KYAT3: variants seen among roughly 807,000 people sequenced by gnomAD.
KYAT3 encodes kynurenine--oxoglutarate transaminase 3.
A neutral mutation model predicts 59.0 loss-of-function variants in KYAT3; 50 were observed. That is an observed-to-expected ratio of 0.85 (90% CI 0.68 to 1.07). KYAT3 has a LOEUF of 1.07. Among genes scored for constraint, KYAT3 ranks in the 50% least tolerant of loss-of-function variants. KYAT3 has a pLI of 0.00. For missense variants in KYAT3, 497 were observed against 533.3 expected, an observed-to-expected ratio of 0.93 and a Z score of 0.67; for synonymous variants, 148 against 177.0, an observed-to-expected ratio of 0.84 and a Z score of 1.30.
At chr1:88,952,478 T>C (rs376957399) in intron 10 of KYAT3, among the ~76,000 whole-genome samples, 4 of 152,114 alleles carry the variant, frequency 2.6e-5, no homozygotes, top group African/African-American at 9.7e-5. Context: ...GAGAGTGAGT[T>C]ATTGTGAGAT....
At chr1:88,942,924 T>C (rs771566633) in intron 13 of KYAT3, 81 bp downstream of exon 13, 2 of 1,095,084 alleles carry the variant, frequency 1.8e-6, no homozygotes, top group Non-Finnish European at 2.7e-6. Context: ...GCATATCATT[T>C]TTAGAAACAG....
chr1:88,972,394 G>T (rs886263231), intron 2 of KYAT3, among the ~76,000 whole-genome samples: 1 of 152,236 alleles, frequency 6.6e-6, no homozygotes, highest in Non-Finnish European at 1.5e-5. Flanking sequence ...CACCATCACA[G>T]TGTCCAACAT....
Position 88,953,972 on chromosome 1 carries a change from G to A in KYAT3, c.865-820C>T, listed in dbSNP as rs1157618518. 2.0e-5 allele frequency among the ~76,000 whole-genome samples: 3 copies of A among 150,532 alleles called. No individual in the cohort carries two copies. In the East Asian group the frequency reaches 5.8e-4, roughly 29 times the overall value. ...GACTAGAGTGCAATGGCCGGATCTC[G>A]GCTCACTCAACCTCCGCCTCCCAGG... On this transcript the variant is annotated intron_variant, in intron 9 of 13. Transcript: ENST00000260508.
At chr1:88,927,409 T>G in the KYAT3 span, among the ~76,000 whole-genome samples, 1 of 152,150 alleles carries the variant, frequency 6.6e-6, no homozygotes, top group Admixed American at 6.5e-5. Flanking sequence ...TAGACCTCTT[T>G]TGTAGAAAAG....
In KYAT3 at chr1:88,963,921, A is replaced by G. The variant is rs557969999; in HGVS notation, c.453+908T>C. On this transcript the variant is annotated intron_variant, in intron 5 of 13. Coordinates refer to ENST00000260508, the MANE Select transcript of KYAT3 (RefSeq NM_001008661.3). ...CTTCCTATTATATTAATACATTCTC[A>G]GCTGGGCGTGGTGGCTCACGCCTGT... 2.6e-5 allele frequency among the ~76,000 whole-genome samples: 4 copies of G among 152,302 alleles called. No homozygotes were observed. The South Asian group carries it at 8.3e-4, about 32-fold the overall frequency.
chr1:88,979,305 T>G (rs1676954779), intron 2 of KYAT3, among the ~76,000 whole-genome samples: 1 of 152,148 alleles, frequency 6.6e-6, no homozygotes, highest in Non-Finnish European at 1.5e-5. Context: ...ATAGAGGGAC[T>G]GAGAGATGAA....
chr1:88,981,997 G>A (rs958193427), intron 2 of KYAT3: 31 of 981,488 alleles, frequency 3.2e-5, no homozygotes, highest in Admixed American at 1.2e-4. Context: ...TTAGTATTCC[G>A]TAGTTGTTTA....
At chr1:88,982,180 G>C (rs1343015646) in intron 2 of KYAT3, 4 of 872,060 alleles carry the variant, frequency 4.6e-6, no homozygotes, top group South Asian at 1.0e-4. Context: ...TGCATACTGA[G>C]AACAGTGAGA....
chr1:88,978,640 G>C (rs1354598903), intron 2 of KYAT3, among the ~76,000 whole-genome samples: 2 of 151,852 alleles, frequency 1.3e-5, no homozygotes, highest in African/African-American at 4.8e-5. Flanking sequence ...TGGGACTACA[G>C]GTATGTGGCA....
At chr1:88,956,781 A>C (rs1675934931) in intron 8 of KYAT3, among the ~76,000 whole-genome samples, 1 of 152,198 alleles carries the variant, frequency 6.6e-6, no homozygotes, top group African/African-American at 2.4e-5. Flanking sequence ...AGAGTTTGTA[A>C]ATTTTGCTAG....
In KYAT3 at chr1:88,982,674, C is replaced by T. The variant is rs527278024; in HGVS notation, c.99+5578G>A. Reference sequence around the variant, plus strand: ...TGTTTCTAGTATCTGCTTCTGCCTCCCCCTCTATCAGATCGGCTTCCTCCA... The same window carrying T: ...TGTTTCTAGTATCTGCTTCTGCCTCTCCCTCTATCAGATCGGCTTCCTCCA... On this transcript the variant is annotated intron_variant, in intron 2 of 13. Transcript: ENST00000260508. 16 of 1,607,870 alleles carry T rather than the reference C, an allele frequency of 1.0e-5. No individual in the cohort carries two copies. In the South Asian group the frequency reaches 1.7e-4, roughly 17 times the overall value.
chr1:88,982,799 C>T, intron 2 of KYAT3: 2 of 1,613,982 alleles, frequency 1.2e-6, no homozygotes, highest in South Asian at 1.1e-5. Context: ...TCTTTCTTGT[C>T]TGCCAACCCT....
chr1:88,968,730 T>C lies in KYAT3; in HGVS notation c.243A>G (p.Val81=), dbSNP rs1676439489. 1.2e-6 allele frequency: 2 copies of C among 1,601,098 alleles called. No homozygotes were observed. Among genetic ancestry groups the C allele is most frequent in the African/African-American group, 2.7e-5 (2 of 73,924 alleles). The change falls in exon 4 of 14, where the codon GTA becomes GTG. Residue 81 remains valine (V), a synonymous_variant. Transcript: ENST00000260508. ...GFPDISPPTY[V]KEELSKIAAI... ...CTGCAATCTTTGATAATTCTTCTTT[T>C]ACATATGTAGGAGGGGATATATCTG...
chr1:88,955,284 A>T (rs1482321561), intron 8 of KYAT3, 59 bp from the exon 9 acceptor site: 2 of 954,666 alleles, frequency 2.1e-6, no homozygotes, highest in East Asian at 4.9e-5. Flanking sequence ...ATTTAGTATA[A>T]TCTAAAAACA....
At chr1:88,928,230 TA>T in the KYAT3 span, among the ~76,000 whole-genome samples, 19 of 152,074 alleles carry the variant, frequency 1.2e-4, no homozygotes, top group Non-Finnish European at 2.4e-4. Context: ...CAACTAATCT[TA>T]AAGGATAAAT....
intron 2 of KYAT3, among the ~76,000 whole-genome samples, chr1:88,976,183 CCT>C (rs1180823468): frequency 6.6e-6 from 1 of 151,896 alleles, no homozygotes; most frequent in Non-Finnish European, 1.5e-5. Flanking sequence ...ATGGTGAAAC[CCT>C]GTCTCTAATA....
intron 13 of KYAT3, 120 bp from the exon 14 acceptor site, chr1:88,936,365 A>C (rs1675039061): frequency 1.3e-6 from 1 of 770,212 alleles, no homozygotes; most frequent in Admixed American, 2.8e-5. Flanking sequence ...AGTGAAGAAA[A>C]ATTTTCAAAG....
chr1:88,947,191 C>G (rs1675477652), intron 11 of KYAT3, among the ~76,000 whole-genome samples: 1 of 152,218 alleles, frequency 6.6e-6, no homozygotes, highest in Admixed American at 6.5e-5. Context: ...GTGACCACCT[C>G]TCAGTCACAG....
In KYAT3 at chr1:88,943,105, A is replaced by T; in HGVS notation, c.1216-14T>A. ...GGCTGATAGTTTCTGAAAAATAAAT[A>T]GAAACATATAATAAGAAAACTACTT... On this transcript the variant is annotated splice_polypyrimidine_tract_variant and intron_variant, in intron 12 of 13. Coordinates refer to ENST00000260508, the MANE Select transcript of KYAT3 (RefSeq NM_001008661.3). 3 of 1,573,934 alleles carry T rather than the reference A, an allele frequency of 1.9e-6. No homozygotes were observed. Among genetic ancestry groups the T allele is most frequent in the South Asian group, 2.2e-5 (2 of 89,576 alleles).
Sources: allele counts gnomAD v4.1 joint callset (sites outside exome capture counted in the v4.1 genomes callset), GRCh38; gene constraint gnomAD v4.1.1; transcripts MANE v1.5; gene names NCBI Gene and HGNC (gene_info 2026-07-23, HGNC 2026-07-21).